ZNF385D: variants seen among roughly 807,000 people sequenced by gnomAD.
ZNF385D encodes zinc finger protein 385D, also known as zinc finger protein 659.
Under a neutral mutation model 35.8 loss-of-function variants are expected in ZNF385D, and 15 were observed. That is an observed-to-expected ratio of 0.42 (90% CI 0.28 to 0.64). The LOEUF (loss-of-function observed/expected upper bound fraction) is 0.64, where lower values mean the gene tolerates loss of function less well. Ranked by LOEUF, ZNF385D falls within the 30% of genes least tolerant of loss-of-function variation. ZNF385D has a pLI of 0.23. For synonymous variants in ZNF385D, 212 were observed against 186.8 expected (o/e 1.13, Z -1.10); for missense variants, 474 against 494.6 (o/e 0.96, Z 0.39).
chr3:22,331,963 A>C (rs1002957846), intron 2 of ZNF385D, among the ~76,000 whole-genome samples: 4 of 152,186 alleles, frequency 2.6e-5, no homozygotes, highest in Non-Finnish European at 5.9e-5. Context: ...AATATCACTT[A>C]TTAGATTTTT....
intron 3 of ZNF385D, among the ~76,000 whole-genome samples, chr3:22,126,310 G>GTTTTTTTTTTTTTTTTTTTTATTTT (rs57457479): frequency 1.0e-5 from 1 of 100,146 alleles, no homozygotes; most frequent in Non-Finnish European, 1.9e-5. Context: ...TTTGAAAGTT[G>GTTTTTTTTTTTTTTTTTTTTATTTT]TTTTTTTTTT....
At chr3:22,046,156 A>C (rs1289568559) in intron 3 of ZNF385D, among the ~76,000 whole-genome samples, 1 of 152,168 alleles carries the variant, frequency 6.6e-6, no homozygotes, top group Non-Finnish European at 1.5e-5. Flanking sequence ...AAGTGGAATA[A>C]ACAAATGGCC....
chr3:21,471,389 A>T (rs1436944490), intron 4 of ZNF385D, among the ~76,000 whole-genome samples: 1 of 151,564 alleles, frequency 6.6e-6, no homozygotes, highest in Non-Finnish European at 1.5e-5. Context: ...CCATACAAGG[A>T]CATTATTTTC....
chr3:22,149,881 A>G (rs545889665), intron 3 of ZNF385D, among the ~76,000 whole-genome samples: 23 of 152,216 alleles, frequency 1.5e-4, no homozygotes, highest in African/African-American at 2.2e-4. Context: ...TCAATGGGTG[A>G]TAAGTATTTT....
At chr3:21,957,935 G>A (rs943592661) in intron 3 of ZNF385D, among the ~76,000 whole-genome samples, 11 of 152,018 alleles carry the variant, frequency 7.2e-5, no homozygotes, top group African/African-American at 2.7e-4. Context: ...CACTAATGTT[G>A]TCATTCAGAA....
At chr3:21,569,116 T>G (rs1243588258) in intron 2 of ZNF385D, among the ~76,000 whole-genome samples, 1 of 152,138 alleles carries the variant, frequency 6.6e-6, no homozygotes, top group African/African-American at 2.4e-5. Context: ...CTGGGTATCC[T>G]TGTTAACTTT....
chr3:21,831,391 C>T (rs1392261301), intron 3 of ZNF385D, among the ~76,000 whole-genome samples: 3 of 152,154 alleles, frequency 2.0e-5, no homozygotes, highest in African/African-American at 7.2e-5. Flanking sequence ...TATTTCTTTT[C>T]TATTTGTTCA....
intron 1 of ZNF385D, among the ~76,000 whole-genome samples, chr3:21,671,191 C>T (rs561991743): frequency 1.3e-4 from 20 of 152,102 alleles, no homozygotes; most frequent in Non-Finnish European, 1.5e-5. Flanking sequence ...CCCTTCGTCC[C>T]TTCCTTGAAG....
At chr3:22,049,994 G>A (rs1453478638) in intron 3 of ZNF385D, among the ~76,000 whole-genome samples, 1 of 152,108 alleles carries the variant, frequency 6.6e-6, no homozygotes, top group African/African-American at 2.4e-5. Flanking sequence ...TTTGGTATCA[G>A]GATAATGCTA....
intron 3 of ZNF385D, among the ~76,000 whole-genome samples, chr3:21,856,028 G>A (rs77572054): frequency 0.07 from 10,634 of 152,014 alleles, 534 homozygotes; most frequent in East Asian, 0.2. Flanking sequence ...TCATGTGTGT[G>A]TCTGTGTGTG....
chr3:21,434,309 C>G (rs1575137396), intron 5 of ZNF385D, among the ~76,000 whole-genome samples: 1 of 152,168 alleles, frequency 6.6e-6, no homozygotes, highest in East Asian at 1.9e-4. Flanking sequence ...TATTTGCCCT[C>G]AAATCCTTGT....
At chr3:21,467,070 G>A (rs1314054204) in intron 4 of ZNF385D, among the ~76,000 whole-genome samples, 1 of 152,092 alleles carries the variant, frequency 6.6e-6, no homozygotes, top group Non-Finnish European at 1.5e-5. Flanking sequence ...GAATACTGAT[G>A]GAGTAGGTAG....
intron 2 of ZNF385D, among the ~76,000 whole-genome samples, chr3:21,644,734 A>G (rs2065702242): frequency 6.6e-6 from 1 of 152,058 alleles, no homozygotes; most frequent in African/African-American, 2.4e-5. Context: ...CGGTTTGAAG[A>G]AAAAAAAGTA....
Position 21,819,646 on chromosome 3 carries a change from A to T in ZNF385D, c.326-154618T>A, listed in dbSNP as rs555798840. 4.1e-5 allele frequency among the ~76,000 whole-genome samples: 6 copies of T among 146,972 alleles called. No individual in the cohort carries two copies. In the East Asian group the frequency reaches 1.2e-3, roughly 29 times the overall value. On this transcript the variant is annotated intron_variant, in intron 3 of 5. Coordinates refer to the ZNF385D transcript ENST00000494108. ...TGTATTATATAATTATATATTCTAT[A>T]TTATATATTTATGTGTATTAATTAT...
intron 3 of ZNF385D, among the ~76,000 whole-genome samples, chr3:22,157,508 C>A (rs1705670305): frequency 1.3e-5 from 2 of 151,898 alleles, no homozygotes; most frequent in Non-Finnish European, 2.9e-5. Flanking sequence ...AGAATAAGAT[C>A]TAGGTCAGAA....
intron 2 of ZNF385D, among the ~76,000 whole-genome samples, chr3:21,633,476 GA>G (rs899449535): frequency 6.6e-6 from 1 of 151,900 alleles, no homozygotes; most frequent in Non-Finnish European, 1.5e-5. Context: ...TAGGACAAGA[GA>G]AAAAAACCTT....
chr3:21,807,273 G>A (rs190939040), intron 3 of ZNF385D, among the ~76,000 whole-genome samples: 2 of 152,068 alleles, frequency 1.3e-5, no homozygotes, highest in Admixed American at 1.3e-4. Context: ...TACATCTAGA[G>A]CATATCTCTA....
At chr3:21,860,415 T>C (rs538377294) in intron 3 of ZNF385D, among the ~76,000 whole-genome samples, 1 of 152,278 alleles carries the variant, frequency 6.6e-6, no homozygotes, top group African/African-American at 2.4e-5. Context: ...GTTTACAGAT[T>C]AATCAATATG....
At chr3:22,188,317 A>T (rs115089097) in intron 2 of ZNF385D, among the ~76,000 whole-genome samples, 3,096 of 152,296 alleles carry the variant, frequency 0.02, 67 homozygotes, top group South Asian at 0.11. Context: ...CAATTAAAAC[A>T]GTATTTCGTG....
Sources: gnomAD v4.1 joint callset for allele counts (sites outside exome capture counted in the v4.1 genomes callset) on GRCh38, gnomAD v4.1.1 for gene constraint, MANE v1.5 for transcripts, NCBI Gene and HGNC (gene_info 2026-07-23, HGNC 2026-07-21) for gene names.